Variants in GMDS observed in about 807,000 individuals in gnomAD.
GMDS encodes the protein GDP-mannose 4,6-dehydratase, also known as GDP-mannose 4,6 dehydratase.
In GMDS, 20 loss-of-function variants were observed where a neutral mutation model predicts 49.9. The observed-to-expected ratio is 0.40, with a 90% CI of 0.28 to 0.58. The LOEUF (loss-of-function observed/expected upper bound fraction) is 0.58, where lower values mean the gene tolerates loss of function less well. Among genes scored for constraint, GMDS ranks in the 20% least tolerant of loss-of-function variants. GMDS has a pLI of 0.42. For missense variants in GMDS, 362 were observed against 481.4 expected, an observed-to-expected ratio of 0.75 and a Z score of 2.32; for synonymous variants, 177 against 178.6, an observed-to-expected ratio of 0.99 and a Z score of 0.07.
chr6:1,670,752 CTT>C (rs1247825565), intron 9 of GMDS, among the ~76,000 whole-genome samples: 1 of 152,194 alleles, frequency 6.6e-6, no homozygotes, highest in East Asian at 1.9e-4. Context: ...TTCAGCCATA[CTT>C]TTAGTTTTCA....
chr6:1,703,341 C>T lies in GMDS; in HGVS notation c.987+23075G>A, dbSNP rs1161805191. 2.6e-5 allele frequency among the ~76,000 whole-genome samples: 4 copies of T among 152,266 alleles called. No homozygotes were observed. The East Asian group carries it at 7.7e-4, about 29-fold the overall frequency. On this transcript the variant is annotated intron_variant, in intron 9 of 10. Transcript: ENST00000380815. ...AGTTTGTAAATATTCTTAAGGCAGA[C>T]AGTTGCTACCTGACTTCACCTTTCT... is the stretch of plus-strand genomic sequence containing the variant.
chr6:1,895,186 G>C (rs905787895), intron 7 of GMDS, among the ~76,000 whole-genome samples: 6 of 152,168 alleles, frequency 3.9e-5, no homozygotes, highest in Non-Finnish European at 8.8e-5. Context: ...TACCTGGCTT[G>C]CTTGCCCTTC....
chr6:1,721,873 T>G (rs1466024860), intron 9 of GMDS, among the ~76,000 whole-genome samples: 1 of 152,126 alleles, frequency 6.6e-6, no homozygotes, highest in Non-Finnish European at 1.5e-5. Flanking sequence ...GCCCCTGAAC[T>G]TTCAGAAACA....
chr6:2,126,529 G>A (rs1279546899), intron 1 of GMDS, among the ~76,000 whole-genome samples: 2 of 152,216 alleles, frequency 1.3e-5, no homozygotes, highest in Admixed American at 6.5e-5. Context: ...CCAAGTGTGT[G>A]TTTACTACAT....
At chr6:1,644,967 G>A (rs574098667) in intron 9 of GMDS, among the ~76,000 whole-genome samples, 144 of 145,980 alleles carry the variant, frequency 9.9e-4, no homozygotes, top group Non-Finnish European at 1.8e-3. Context: ...ACGGAGTCTT[G>A]CTTTGTCGCC....
chr6:2,114,034 T>A (rs1247147200), intron 4 of GMDS, among the ~76,000 whole-genome samples: 1 of 152,164 alleles, frequency 6.6e-6, no homozygotes, highest in Admixed American at 6.5e-5. Context: ...CAAAACACTA[T>A]CATGATCACT....
intron 4 of GMDS, among the ~76,000 whole-genome samples, chr6:2,022,038 C>T (rs1482750065): frequency 6.6e-6 from 1 of 152,144 alleles, no homozygotes; most frequent in Non-Finnish European, 1.5e-5. Context: ...TGAGGGAATG[C>T]TTTTCATTGA....
At chr6:1,655,476 T>TACAC (rs751129753) in intron 9 of GMDS, among the ~76,000 whole-genome samples, 3,399 of 81,118 alleles carry the variant, frequency 0.042, 54 homozygotes, top group Non-Finnish European at 0.062. Flanking sequence ...TTGAAAGCCT[T>TACAC]ACACACACAC....
At chr6:1,736,816 C>G (rs954981272) in intron 8 of GMDS, among the ~76,000 whole-genome samples, 2 of 152,194 alleles carry the variant, frequency 1.3e-5, no homozygotes, top group Non-Finnish European at 2.9e-5. Flanking sequence ...GAGTTCTGTT[C>G]ATCACCAACA....
chr6:1,869,101 T>C (rs999417414), intron 7 of GMDS, among the ~76,000 whole-genome samples: 1 of 152,204 alleles, frequency 6.6e-6, no homozygotes, highest in Non-Finnish European at 1.5e-5. Flanking sequence ...TCTGAGAAGA[T>C]GAGGCAACTG....
At chr6:1,849,767 C>A (rs1430779575) in intron 7 of GMDS, among the ~76,000 whole-genome samples, 1 of 152,166 alleles carries the variant, frequency 6.6e-6, no homozygotes, top group Admixed American at 6.5e-5. Context: ...AGAGACTCGA[C>A]AGAACAGACC....
intron 9 of GMDS, among the ~76,000 whole-genome samples, chr6:1,696,798 G>C (rs1765358207): frequency 6.6e-6 from 1 of 152,238 alleles, no homozygotes; most frequent in South Asian, 2.1e-4. Context: ...ATCTCCAACA[G>C]AGGAAGGGAC....
intron 1 of GMDS, among the ~76,000 whole-genome samples, chr6:2,190,021 C>A (rs1171038438): frequency 6.6e-6 from 1 of 152,190 alleles, no homozygotes; most frequent in African/African-American, 2.4e-5. Flanking sequence ...AGTCCTTTCA[C>A]TACTCCCATC....
At position 1,959,974 on chromosome 6, in the gene GMDS, GT is replaced by G; in HGVS notation, c.539-4del. The stretch of plus-strand genomic sequence containing the variant: ...ATAGGCATAGAGTTTTGCTGCCCCT[GT>G]TGGAATAATTTTTTTTAAGCAATGA... On this transcript the variant is annotated splice_region_variant and splice_polypyrimidine_tract_variant and intron_variant, in intron 5 of 10. Coordinates refer to ENST00000380815, the MANE Select transcript of GMDS (RefSeq NM_001500.4). The G allele has an allele frequency of 6.4e-7, 1 of 1,570,048 alleles. No homozygotes were observed. The highest frequency in any genetic ancestry group is 8.7e-7 in the Non-Finnish European group (1 of 1,151,152).
intron 1 of GMDS, among the ~76,000 whole-genome samples, chr6:2,136,362 A>G (rs1350304732): frequency 1.3e-5 from 2 of 152,228 alleles, no homozygotes; most frequent in Admixed American, 6.5e-5. Context: ...GAGTATCCAA[A>G]AAATCATTTT....
At chr6:2,047,488 G>A (rs1770091170) in intron 4 of GMDS, among the ~76,000 whole-genome samples, 1 of 152,068 alleles carries the variant, frequency 6.6e-6, no homozygotes, top group Non-Finnish European at 1.5e-5. Flanking sequence ...ACATAATTTT[G>A]TTTTTTCTTT....
At chr6:2,180,097 A>G (rs1443211142) in intron 1 of GMDS, among the ~76,000 whole-genome samples, 3 of 152,206 alleles carry the variant, frequency 2.0e-5, no homozygotes, top group Non-Finnish European at 2.9e-5. Context: ...GGGTACTTCA[A>G]GACTGCTCAG....
chr6:2,171,508 A>T (rs1480390270), intron 1 of GMDS, among the ~76,000 whole-genome samples: 1 of 152,252 alleles, frequency 6.6e-6, no homozygotes, highest in Non-Finnish European at 1.5e-5. Context: ...AGTGGAGAAA[A>T]ATTAAAATCC....
intron 4 of GMDS, among the ~76,000 whole-genome samples, chr6:1,962,088 T>C (rs1352223555): frequency 6.6e-6 from 1 of 152,240 alleles, no homozygotes; most frequent in African/African-American, 2.4e-5. Context: ...TAAGATATAA[T>C]TCACACCCAT....
Sources: gnomAD v4.1 joint callset for allele counts (sites outside exome capture counted in the v4.1 genomes callset) on GRCh38, gnomAD v4.1.1 for gene constraint, MANE v1.5 for transcripts, NCBI Gene and HGNC (gene_info 2026-07-23, HGNC 2026-07-21) for gene names.